AFG1L: variants seen among roughly 807,000 people sequenced by gnomAD.
AFG1L encodes AFG1-like ATPase.
AFG1L carries 53 observed loss-of-function variants against 62.2 expected under a neutral mutation model. That is an observed-to-expected ratio of 0.85 (90% CI 0.68 to 1.07). The LOEUF is 1.07. AFG1L is among the 50% of genes least tolerant of loss of function. The pLI is 0.00. For missense variants in AFG1L, 555 were observed against 590.5 expected (o/e 0.94, Z 0.62); for synonymous variants, 228 against 210.3 (o/e 1.08, Z -0.73).
intron 6 of AFG1L, among the ~76,000 whole-genome samples, chr6:108,390,693 C>T (rs956553128): frequency 1.1e-4 from 17 of 152,332 alleles, no homozygotes; most frequent in African/African-American, 3.8e-4. Context: ...TATTGCTGAA[C>T]AGCAAATGTT....
At chr6:108,401,894 CT>C (rs1055615603) in intron 6 of AFG1L, 101 bp from the exon 7 acceptor site, 371 of 554,718 alleles carry the variant, frequency 6.7e-4, no homozygotes, top group South Asian at 1.0e-3. Flanking sequence ...GCTCCTTTAT[CT>C]TTTTTTTTAA....
chr6:108,457,117 C>G (rs1430595346), intron 8 of AFG1L, among the ~76,000 whole-genome samples: 2 of 152,128 alleles, frequency 1.3e-5, no homozygotes, highest in East Asian at 3.9e-4. Context: ...TGTTTAAGAT[C>G]AAGTGTGTTA....
chr6:108,518,221 C>T (rs1774979954), intron 11 of AFG1L, among the ~76,000 whole-genome samples: 6 of 152,130 alleles, frequency 3.9e-5, no homozygotes. Flanking sequence ...TATTGTGGCA[C>T]TATTCACAAT....
intron 10 of AFG1L, among the ~76,000 whole-genome samples, chr6:108,491,050 A>G (rs1254401199): frequency 1.3e-5 from 2 of 152,236 alleles, no homozygotes; most frequent in African/African-American, 4.8e-5. Context: ...GGATTTATTT[A>G]TGTCTTATCT....
At chr6:108,446,917 A>G (rs1395485834) in intron 7 of AFG1L, among the ~76,000 whole-genome samples, 1 of 152,144 alleles carries the variant, frequency 6.6e-6, no homozygotes, top group Non-Finnish European at 1.5e-5. Flanking sequence ...GCTATTTTAA[A>G]AAAAACCCAG....
intron 10 of AFG1L, among the ~76,000 whole-genome samples, chr6:108,483,761 A>C (rs1158948991): frequency 6.6e-6 from 1 of 152,188 alleles, no homozygotes; most frequent in African/African-American, 2.4e-5. Context: ...GCTCACTATC[A>C]ACTTCTTGTT....
chr6:108,322,417 G>A (rs982544171), intron 1 of AFG1L, among the ~76,000 whole-genome samples: 2 of 152,148 alleles, frequency 1.3e-5, no homozygotes, highest in Non-Finnish European at 2.9e-5. Flanking sequence ...AGGAGGATAT[G>A]CCCTTTTCCT....
intron 7 of AFG1L, among the ~76,000 whole-genome samples, chr6:108,431,137 C>T (rs1169869253): frequency 6.6e-6 from 1 of 151,100 alleles, no homozygotes; most frequent in Non-Finnish European, 1.5e-5. Flanking sequence ...AAGTCTTGCT[C>T]ATGTCACCCA....
intron 7 of AFG1L, among the ~76,000 whole-genome samples, chr6:108,437,355 G>A (rs1357218734): frequency 3.3e-5 from 5 of 152,268 alleles, no homozygotes; most frequent in African/African-American, 1.2e-4. Context: ...AGATTACTTT[G>A]TACTTTTCAT....
intron 10 of AFG1L, among the ~76,000 whole-genome samples, chr6:108,489,742 G>A (rs1773706143): frequency 6.6e-6 from 1 of 152,226 alleles, no homozygotes. Flanking sequence ...AATAACCAGA[G>A]AAATGGCAGG....
intron 6 of AFG1L, among the ~76,000 whole-genome samples, chr6:108,368,866 C>T (rs994463565): frequency 1.3e-5 from 2 of 152,148 alleles, no homozygotes; most frequent in African/African-American, 4.8e-5. Flanking sequence ...TAGGAGTGAA[C>T]AAAGCTACCG....
intron 10 of AFG1L, among the ~76,000 whole-genome samples, chr6:108,491,609 C>A (rs1773782210): frequency 6.6e-6 from 1 of 152,072 alleles, no homozygotes; most frequent in Non-Finnish European, 1.5e-5. Flanking sequence ...TTATTCCGGC[C>A]TTTCATGGAT....
chr6:108,354,210 G>C (rs971161515), intron 3 of AFG1L, among the ~76,000 whole-genome samples: 2 of 152,194 alleles, frequency 1.3e-5, no homozygotes, highest in Admixed American at 6.5e-5. Flanking sequence ...AAATGCTCAG[G>C]CTGTTGGATA....
chr6:108,319,435 T>G (rs1777729771), intron 1 of AFG1L, among the ~76,000 whole-genome samples: 1 of 151,882 alleles, frequency 6.6e-6, no homozygotes, highest in African/African-American at 2.4e-5. Flanking sequence ...GCCTGGCTAA[T>G]TAAAAATTTT....
intron 6 of AFG1L, among the ~76,000 whole-genome samples, chr6:108,370,502 A>G (rs1327845511): frequency 1.3e-5 from 2 of 152,074 alleles, no homozygotes; most frequent in African/African-American, 4.8e-5. Flanking sequence ...ACTGGCATCT[A>G]GTAGGTAAAG....
chr6:108,468,045 T>TC (rs1272962541), intron 8 of AFG1L, among the ~76,000 whole-genome samples: 1 of 152,186 alleles, frequency 6.6e-6, no homozygotes, highest in African/African-American at 2.4e-5. Context: ...TTATCCCTTC[T>TC]CCCAAGTGTC....
chr6:108,391,013 G>T (rs1781033777), intron 6 of AFG1L, among the ~76,000 whole-genome samples: 1 of 152,216 alleles, frequency 6.6e-6, no homozygotes, highest in Non-Finnish European at 1.5e-5. Context: ...TTATGTATTT[G>T]TTGATTGATG....
Position 108,480,695 on chromosome 6 carries a change from G to A in AFG1L, c.1062+3403G>A, listed in dbSNP as rs372127530. Among the ~76,000 whole-genome samples, 238 of 152,252 alleles carry A rather than the reference G, an allele frequency of 1.6e-3. 1 individual carries two copies. The highest frequency in any genetic ancestry group is 5.5e-3 in the African/African-American group (227 of 41,546). On this transcript the variant is annotated intron_variant, in intron 10 of 12. Transcript: ENST00000368977. The stretch of plus-strand genomic sequence containing the variant: ...CATCTGTAATCCCAGCTACTCAGGA[G>A]GCTGAGACATGAGAATCATTTGAAC...
rs115544355 is a variant in AFG1L, at chr6:108,464,526, C to T, written c.891-12339C>T. 6.0e-3 allele frequency among the ~76,000 whole-genome samples: 908 copies of T among 152,188 alleles called. 13 individuals are homozygous for T. The highest frequency in any genetic ancestry group is 0.021 in the African/African-American group (866 of 41,520). ...GTACTCACAGGATTCCTGTAGGAGTCGATGCCAAATTTCCTGGCAACTGAA... is the reference window on the plus strand; with the variant it reads ...GTACTCACAGGATTCCTGTAGGAGTTGATGCCAAATTTCCTGGCAACTGAA... On this transcript the variant is annotated intron_variant, in intron 8 of 12. Coordinates refer to ENST00000368977, the MANE Select transcript of AFG1L (RefSeq NM_145315.5).
Sources: gnomAD v4.1 joint callset for allele counts (sites outside exome capture counted in the v4.1 genomes callset) on GRCh38, gnomAD v4.1.1 for gene constraint, MANE v1.5 for transcripts, NCBI Gene and HGNC (gene_info 2026-07-23, HGNC 2026-07-21) for gene names.